Variants in CERS6 observed in about 807,000 individuals in gnomAD.
CERS6 encodes the protein LAG1 homolog, ceramide synthase 6.
CERS6 carries 26 observed loss-of-function variants against 56.8 expected under a neutral mutation model. That is an observed-to-expected ratio of 0.46 (90% CI 0.34 to 0.63). The LOEUF is 0.63. CERS6 is among the 30% of genes least tolerant of loss of function. The pLI is 0.01. For missense variants in CERS6, 415 were observed against 467.5 expected, an observed-to-expected ratio of 0.89 and a Z score of 1.04; for synonymous variants, 164 against 173.3, an observed-to-expected ratio of 0.95 and a Z score of 0.42.
At chr2:168,497,188 A>G (rs553386857) in intron 1 of CERS6, among the ~76,000 whole-genome samples, 2 of 152,316 alleles carry the variant, frequency 1.3e-5, no homozygotes, top group South Asian at 4.2e-4. Flanking sequence ...CAGAAGGGAT[A>G]TTCAAAGTAT....
chr2:168,626,551 A>G (rs1052484565), intron 3 of CERS6, among the ~76,000 whole-genome samples: 10 of 152,196 alleles, frequency 6.6e-5, no homozygotes, highest in African/African-American at 2.4e-4. Flanking sequence ...AGTTTTTACT[A>G]GCTTCCTATT....
chr2:168,760,957 C>T (rs1294228417), intron 8 of CERS6, among the ~76,000 whole-genome samples: 2 of 152,102 alleles, frequency 1.3e-5, no homozygotes, highest in Non-Finnish European at 2.9e-5. Flanking sequence ...CGGGGTTTCA[C>T]TGTGTTAGCC....
At chr2:168,566,376 C>CA (rs1466465185) in intron 3 of CERS6, among the ~76,000 whole-genome samples, 1 of 152,136 alleles carries the variant, frequency 6.6e-6, no homozygotes, top group African/African-American at 2.4e-5. Flanking sequence ...AACTTTCCCC[C>CA]AATGCTGCCA....
intron 1 of CERS6, among the ~76,000 whole-genome samples, chr2:168,493,335 A>T (rs2105340089): frequency 6.6e-6 from 1 of 152,296 alleles, no homozygotes; most frequent in Middle Eastern, 3.4e-3. Context: ...TGAAGTCATG[A>T]GATGTATGTT....
chr2:168,531,242 A>G (rs1249704903), intron 1 of CERS6, among the ~76,000 whole-genome samples: 1 of 152,220 alleles, frequency 6.6e-6, no homozygotes, highest in Non-Finnish European at 1.5e-5. Flanking sequence ...GCAAGAAGGA[A>G]TGACACAGGA....
chr2:168,586,490 C>T (rs772873988), intron 3 of CERS6, among the ~76,000 whole-genome samples: 1 of 151,946 alleles, frequency 6.6e-6, no homozygotes, highest in Non-Finnish European at 1.5e-5. Flanking sequence ...GTTTTTCCTC[C>T]TTATGTACCT....
intron 9 of CERS6, among the ~76,000 whole-genome samples, chr2:168,769,266 T>C (rs1374396538): frequency 6.6e-6 from 1 of 152,204 alleles, no homozygotes; most frequent in Admixed American, 6.5e-5. Context: ...TATGGAAAGA[T>C]ACCTTAAAGA....
chr2:168,572,340 C>A (rs1478556732), intron 3 of CERS6, among the ~76,000 whole-genome samples: 3 of 151,946 alleles, frequency 2.0e-5, no homozygotes, highest in Non-Finnish European at 4.4e-5. Context: ...GTGATGGAGC[C>A]TTTACATTTA....
At chr2:168,644,675 T>C (rs1406010636) in intron 4 of CERS6, among the ~76,000 whole-genome samples, 1 of 152,176 alleles carries the variant, frequency 6.6e-6, no homozygotes, top group African/African-American at 2.4e-5. Context: ...AAAAGTCAGC[T>C]GACAGCCAGT....
At chr2:168,502,611 T>C (rs918083116) in intron 1 of CERS6, among the ~76,000 whole-genome samples, 8 of 152,198 alleles carry the variant, frequency 5.3e-5, no homozygotes, top group African/African-American at 1.7e-4. Context: ...TTGTTTCTAA[T>C]AGACTGTCCA....
At chr2:168,700,194 C>G (rs532650220) in intron 6 of CERS6, among the ~76,000 whole-genome samples, 7 of 152,208 alleles carry the variant, frequency 4.6e-5, no homozygotes, top group Non-Finnish European at 8.8e-5. Context: ...TGTGTTAGCT[C>G]TCTGCTGACT....
intron 3 of CERS6, among the ~76,000 whole-genome samples, chr2:168,599,438 A>G (rs1683880030): frequency 6.6e-6 from 1 of 152,242 alleles, no homozygotes; most frequent in South Asian, 2.1e-4. Context: ...CTCTGGCCCA[A>G]AATAAGAATG....
intron 2 of CERS6, among the ~76,000 whole-genome samples, chr2:168,549,940 C>A (rs1387794654): frequency 1.3e-5 from 2 of 152,016 alleles, no homozygotes; most frequent in East Asian, 1.9e-4. Context: ...CCTGGCCTTA[C>A]CACGGTTTGA....
At chr2:168,594,795 A>G (rs1429220404) in intron 3 of CERS6, among the ~76,000 whole-genome samples, 1 of 152,120 alleles carries the variant, frequency 6.6e-6, no homozygotes, top group East Asian at 1.9e-4. Context: ...TGTGGAACTA[A>G]TAATGAGCAC....
chr2:168,534,804 C>T (rs1695230828), intron 1 of CERS6, among the ~76,000 whole-genome samples: 1 of 152,206 alleles, frequency 6.6e-6, no homozygotes, highest in Admixed American at 6.5e-5. Flanking sequence ...TCTGGGCTGC[C>T]CAGATTCCTC....
At chr2:168,698,762 T>C (rs1490834735) in intron 6 of CERS6, among the ~76,000 whole-genome samples, 2 of 152,202 alleles carry the variant, frequency 1.3e-5, no homozygotes, top group African/African-American at 4.8e-5. Context: ...CTTTAACATA[T>C]ATAACATCAG....
At chr2:168,675,952 T>C (rs1686048244) in intron 4 of CERS6, among the ~76,000 whole-genome samples, 1 of 152,172 alleles carries the variant, frequency 6.6e-6, no homozygotes. Flanking sequence ...CCCAAAGTGC[T>C]GAGATTACAG....
chr2:168,646,385 G>A (rs1685203069), intron 4 of CERS6, among the ~76,000 whole-genome samples: 1 of 151,964 alleles, frequency 6.6e-6, no homozygotes, highest in East Asian at 1.9e-4. Context: ...CTTTTTAATG[G>A]GGTTGCTTTT....
Position 168,471,404 on chromosome 2 carries a change from T to C in CERS6, c.170+14786T>C, listed in dbSNP as rs372973754. ...TACACTTTCAATGTTATTTATTACA[T>C]ACTACTTTTTAGTTTTTTGGCATTT... On this transcript the variant is annotated intron_variant, in intron 1 of 9. Coordinates refer to ENST00000305747, the MANE Select transcript of CERS6 (RefSeq NM_203463.3). Among the ~76,000 whole-genome samples, 49 of 152,374 alleles carry C rather than the reference T, an allele frequency of 3.2e-4. No individual in the cohort carries two copies. In the South Asian group the frequency reaches 9.9e-3, roughly 31 times the overall value.
Sources: gnomAD v4.1 joint callset for allele counts (sites outside exome capture counted in the v4.1 genomes callset) on GRCh38, gnomAD v4.1.1 for gene constraint, MANE v1.5 for transcripts, NCBI Gene and HGNC (gene_info 2026-07-23, HGNC 2026-07-21) for gene names.